FANCL: variants seen among roughly 807,000 people sequenced by gnomAD.
FANCL encodes the protein FA complementation group L, also known as E3 ubiquitin-protein ligase FANCL.
FANCL carries 69 observed loss-of-function variants against 59.4 expected under a neutral mutation model. The observed-to-expected ratio is 1.16, with a 90% CI of 0.96 to 1.42. The LOEUF is 1.42. Ranked by LOEUF, FANCL falls within the 40% of genes most tolerant of loss-of-function variation. The probability of loss-of-function intolerance (pLI) is 0.00; values close to 1 mark genes in which losing one functional copy is unlikely to be tolerated. For synonymous variants in FANCL, 180 were observed against 147.1 expected, an observed-to-expected ratio of 1.22 and a Z score of -1.62; for missense variants, 519 against 447.2, an observed-to-expected ratio of 1.16 and a Z score of -1.45.
intron 4 of FANCL, among the ~76,000 whole-genome samples, chr2:58,224,749 C>CA (rs889603870): frequency 1.3e-5 from 2 of 151,554 alleles, no homozygotes; most frequent in East Asian, 1.9e-4. Flanking sequence ...TAGAACATAA[C>CA]AAAAAACCAT....
In FANCL at chr2:58,162,997, A is replaced by G. The variant is rs200895973; in HGVS notation, c.821+32T>C. ...TGCTGTGAACTTTGTAAAATCACCA[A>G]AAAGTAAAAATTATATTGCCAAGGT... is the stretch of plus-strand genomic sequence containing the variant. On this transcript the variant is annotated intron_variant, in intron 10 of 13. Transcript: ENST00000233741. 1.0e-4 allele frequency: 163 copies of G among 1,612,734 alleles called. No homozygotes were observed. In the African/African-American group the frequency reaches 1.4e-3, roughly 14 times the overall value.
intron 7 of FANCL, among the ~76,000 whole-genome samples, chr2:58,166,858 G>A (rs75082617): frequency 0.021 from 3,155 of 152,222 alleles, 124 homozygotes; most frequent in African/African-American, 0.071. Flanking sequence ...TTTACACTTG[G>A]ATGAATTCAT....
At chr2:58,217,484 A>G (rs1478991203) in intron 5 of FANCL, among the ~76,000 whole-genome samples, 1 of 151,658 alleles carries the variant, frequency 6.6e-6, no homozygotes, top group African/African-American at 2.4e-5. Context: ...ACAGCATTAA[A>G]ATCTGTTTTA....
intron 7 of FANCL, among the ~76,000 whole-genome samples, chr2:58,178,630 G>A (rs972869046): frequency 6.6e-6 from 1 of 152,146 alleles, no homozygotes; most frequent in African/African-American, 2.4e-5. Context: ...ATATCATACT[G>A]AATGGGCAAA....
chr2:58,192,492 G>A (rs1469404106), intron 7 of FANCL, among the ~76,000 whole-genome samples: 1 of 151,806 alleles, frequency 6.6e-6, no homozygotes, highest in African/African-American at 2.4e-5. Flanking sequence ...AAAAACGAGG[G>A]TGACAAAGGA....
intron 10 of FANCL, 39 bp from the exon 11 acceptor site, chr2:58,162,986 T>A (rs771626484): frequency 6.2e-7 from 1 of 1,612,298 alleles, no homozygotes; most frequent in South Asian, 1.1e-5. Flanking sequence ...GTGAACTTTG[T>A]AAAATCACCA....
chr2:58,160,120 T>C lies in FANCL; in HGVS notation c.1080A>G (p.Pro360=). 2.5e-6 allele frequency: 4 copies of C among 1,612,780 alleles called. No homozygotes were observed. Among genetic ancestry groups the C allele is most frequent in the Middle Eastern group, 1.7e-4 (1 of 6,044 alleles). Residue 360 remains proline (P), a synonymous_variant, in exon 13 of 14, where the codon CCA becomes CCG. Transcript: ENST00000233741. ...ACAATTTGCTTACCTTACTACAATATGGACATTCACCAAATATGATGTTAA... is the reference window on the plus strand; with the variant it reads ...ACAATTTGCTTACCTTACTACAATACGGACATTCACCAAATATGATGTTAA... The part of the protein sequence containing the change: ...QSFNIIFGEC[P]YCSKPITLKM...
At chr2:58,206,679 G>A (rs1171515825) in intron 5 of FANCL, among the ~76,000 whole-genome samples, 2 of 152,128 alleles carry the variant, frequency 1.3e-5, no homozygotes, top group African/African-American at 2.4e-5. Flanking sequence ...AAGTCAGAGA[G>A]GTAATACACT....
intron 5 of FANCL, among the ~76,000 whole-genome samples, chr2:58,204,581 T>C (rs17049412): frequency 0.016 from 2,445 of 152,186 alleles, 82 homozygotes; most frequent in African/African-American, 0.057. Context: ...GTCAAACTCT[T>C]TGATCCATTT....
chr2:58,233,478 C>T (rs1274689749), intron 1 of FANCL, among the ~76,000 whole-genome samples: 2 of 152,018 alleles, frequency 1.3e-5, no homozygotes, highest in African/African-American at 4.8e-5. Flanking sequence ...CTAACAGTTA[C>T]CTAAACCTCC....
At chr2:58,179,309 C>A (rs1269774554) in intron 7 of FANCL, among the ~76,000 whole-genome samples, 2 of 152,144 alleles carry the variant, frequency 1.3e-5, no homozygotes, top group Non-Finnish European at 2.9e-5. Context: ...AAGCTGGAAG[C>A]ATCATGCTAC....
chr2:58,209,398 G>C (rs938204640), intron 5 of FANCL, among the ~76,000 whole-genome samples: 2 of 151,580 alleles, frequency 1.3e-5, no homozygotes, highest in Admixed American at 1.3e-4. Flanking sequence ...TTTACTACTA[G>C]ATAATTTGCA....
At chr2:58,202,799 G>A (rs948162060) in intron 6 of FANCL, among the ~76,000 whole-genome samples, 1 of 151,750 alleles carries the variant, frequency 6.6e-6, no homozygotes, top group African/African-American at 2.4e-5. Flanking sequence ...AATCTTGTAG[G>A]TATAGTTAAA....
intron 3 of FANCL, among the ~76,000 whole-genome samples, chr2:58,228,708 T>C (rs969607497): frequency 2.0e-5 from 3 of 152,166 alleles, no homozygotes; most frequent in Non-Finnish European, 2.9e-5. Context: ...AAGAAAAGAA[T>C]AGTAATATTC....
intron 7 of FANCL, among the ~76,000 whole-genome samples, chr2:58,179,713 A>G (rs1048870859): frequency 6.6e-6 from 1 of 152,032 alleles, no homozygotes; most frequent in African/African-American, 2.4e-5. Flanking sequence ...AGCAATGGCA[A>G]CAAAAACTGA....
At chr2:58,167,884 C>T (rs1025756365) in intron 7 of FANCL, among the ~76,000 whole-genome samples, 1 of 152,110 alleles carries the variant, frequency 6.6e-6, no homozygotes, top group Admixed American at 6.5e-5. Flanking sequence ...ACTATTATAT[C>T]AGTAAGCTAT....
chr2:58,239,237 C>G (rs186570463), intron 1 of FANCL, among the ~76,000 whole-genome samples: 1 of 152,290 alleles, frequency 6.6e-6, no homozygotes, highest in East Asian at 1.9e-4. Flanking sequence ...AAAGGAGACT[C>G]TGACAGATGA....
In FANCL at chr2:58,227,441, G is replaced by A. The variant is rs565650980; in HGVS notation, c.217-657C>T. ...TAAGTGCAAGTAGCTCTCAGTAGAT[G>A]TGGGAGACAGAAGGGAGACGGTTTT... On this transcript the variant is annotated intron_variant, in intron 3 of 13. Transcript: ENST00000233741. Among the ~76,000 whole-genome samples, 8 of 152,314 alleles carry A rather than the reference G, an allele frequency of 5.3e-5. No homozygotes were observed. The South Asian group carries it at 1.7e-3, about 32-fold the overall frequency.
At chr2:58,213,269 G>A (rs1363779819) in intron 5 of FANCL, among the ~76,000 whole-genome samples, 4 of 152,136 alleles carry the variant, frequency 2.6e-5, no homozygotes, top group African/African-American at 9.7e-5. Context: ...AGCTCCTCAG[G>A]CGGGGCCTTA....
Sources: gnomAD v4.1 joint callset for allele counts (sites outside exome capture counted in the v4.1 genomes callset) on GRCh38, gnomAD v4.1.1 for gene constraint, MANE v1.5 for transcripts, NCBI Gene and HGNC (gene_info 2026-07-23, HGNC 2026-07-21) for gene names.